VRK3: variants seen among roughly 807,000 people sequenced by gnomAD.
VRK3 encodes serine/threonine-protein kinase VRK3.
VRK3 carries 50 observed loss-of-function variants against 60.4 expected under a neutral mutation model. The ratio of observed to expected loss-of-function variants is 0.83; its 90% CI spans 0.66 to 1.05. The LOEUF (loss-of-function observed/expected upper bound fraction) is 1.05, where lower values mean the gene tolerates loss of function less well. VRK3 is among the 50% of genes least tolerant of loss of function. The pLI, the probability that VRK3 is intolerant of heterozygous loss-of-function variation, is 0.00. For missense variants in VRK3, 549 were observed against 585.3 expected (o/e 0.94, Z 0.64); for synonymous variants, 246 against 227.8 (o/e 1.08, Z -0.72).
At chr19:49,979,037 G>A in intron 14 of VRK3, 46 bp downstream of exon 14, 1 of 1,539,188 alleles carries the variant, frequency 6.5e-7, no homozygotes, top group East Asian at 2.3e-5. Flanking sequence ...CAGGGCTCGG[G>A]TGAGGGCAAG....
chr19:50,004,198 T>TG (rs1213763557), intron 5 of VRK3, among the ~76,000 whole-genome samples: 1 of 152,188 alleles, frequency 6.6e-6, no homozygotes, highest in Non-Finnish European at 1.5e-5. Context: ...TGTGGGTTTC[T>TG]GGGGGAGGTC....
chr19:50,009,355 T>C lies in VRK3; in HGVS notation c.170A>G (p.Glu57Gly). ...GSKRGLNSSF[E>G]TSPKKVKWSS... ...CCATTTCACTTTCTTAGGAGAGGTT[T>C]CAAAACTGGAGTTCAGCCCTCTCTT... The change falls in exon 4 of 15, where the codon GAA becomes GGA. Residue 57 changes from glutamate (E) to glycine (G), a missense_variant. Physicochemically the swap from Glu to Gly is moderately conservative, Grantham distance 98. Transcript: ENST00000316763. The C allele has an allele frequency of 2.5e-6, 4 of 1,613,938 alleles. No individual in the cohort carries two copies. The South Asian group carries it at 4.4e-5, about 18-fold the overall frequency.
At chr19:50,024,731 T>C (rs954073533) in intron 1 of VRK3, among the ~76,000 whole-genome samples, 2 of 152,248 alleles carry the variant, frequency 1.3e-5, no homozygotes, top group African/African-American at 2.4e-5. Flanking sequence ...AAGTCACCTA[T>C]GCAATGGCCA....
chr19:49,994,683 T>A (rs1330440311), intron 9 of VRK3, 131 bp downstream of exon 9: 2 of 807,550 alleles, frequency 2.5e-6, no homozygotes, highest in African/African-American at 3.5e-5. Flanking sequence ...GCCATGGCAG[T>A]CAGTGAGCCA....
chr19:50,016,228 T>A (rs1479256850), intron 2 of VRK3, 65 bp from the exon 3 acceptor site: 1 of 1,596,816 alleles, frequency 6.3e-7, no homozygotes, highest in East Asian at 2.2e-5. Context: ...GAAGTATTGT[T>A]GAACTGCTCT....
intron 12 of VRK3, chr19:49,982,025 G>A (rs2123010373): frequency 1.5e-6 from 1 of 661,748 alleles, no homozygotes; most frequent in Admixed American, 2.1e-5. Context: ...CTGACTCAAA[G>A]GGAGGGAGGT....
At chr19:49,981,793 GACACACACACAC>G in intron 12 of VRK3, 1 of 1,026,322 alleles carries the variant, frequency 9.7e-7, no homozygotes, top group Non-Finnish European at 1.2e-6. Flanking sequence ...CACACACACA[GACACACACACAC>G]ACACACACGC....
intron 14 of VRK3, among the ~76,000 whole-genome samples, chr19:49,977,220 T>C (rs1002006597): frequency 2.0e-5 from 3 of 151,156 alleles, no homozygotes; most frequent in Non-Finnish European, 4.4e-5. Flanking sequence ...GGCGGGGGTG[T>C]GGCTGGTGCA....
chr19:50,023,852 A>C (rs1485943996), intron 1 of VRK3, among the ~76,000 whole-genome samples: 1 of 152,220 alleles, frequency 6.6e-6, no homozygotes, highest in African/African-American at 2.4e-5. Context: ...GTCCCTAAAA[A>C]AGACGTGCCA....
chr19:49,999,281 C>G (rs1293547541), intron 6 of VRK3: 2 of 152,322 alleles, frequency 1.3e-5, no homozygotes, highest in East Asian at 3.8e-4. Context: ...TCTCTTTTTG[C>G]GTCCTGGAGT....
intron 9 of VRK3, among the ~76,000 whole-genome samples, 197 bp downstream of exon 9, chr19:49,994,617 G>GC (rs1420952446): frequency 2.0e-5 from 3 of 152,154 alleles, no homozygotes; most frequent in Non-Finnish European, 4.4e-5. Flanking sequence ...AATGCTCATG[G>GC]CCCCCCAAGG....
At chr19:49,994,717 G>T in intron 9 of VRK3, 97 bp downstream of exon 9, 1 of 1,062,768 alleles carries the variant, frequency 9.4e-7, no homozygotes, top group Non-Finnish European at 1.4e-6. Context: ...AGCGGAGGGG[G>T]GTGGGGGCCG....
rs1031005924 is a variant in VRK3, at chr19:50,025,332, T to C, written c.-130A>G. Reference sequence around the variant, plus strand: ...AGCCTGACCCTCGGATCCTCCGCAGTTACCCGGACTCACCTTCTCAGTTGC... The same window carrying C: ...AGCCTGACCCTCGGATCCTCCGCAGCTACCCGGACTCACCTTCTCAGTTGC... On this transcript the variant is annotated 5_prime_UTR_variant, in exon 1 of 15. Coordinates refer to ENST00000316763, the MANE Select transcript of VRK3 (RefSeq NM_016440.4). The C allele has an allele frequency of 1.3e-5, 2 of 152,304 alleles. No homozygotes were observed. The highest frequency in any genetic ancestry group is 4.8e-5 in the African/African-American group (2 of 41,470). 9.4% of individuals were successfully genotyped at this position (152,304 alleles called of 1,614,324 possible). A position where few individuals can be genotyped will look rare whatever the true frequency, so the allele number is the denominator to read the frequency against.
chr19:49,980,853 T>TA, intron 13 of VRK3, 102 bp downstream of exon 13: 22 of 1,050,780 alleles, frequency 2.1e-5, no homozygotes, highest in South Asian at 3.2e-5. Flanking sequence ...TTTGGAAAAC[T>TA]AAAAAAAATG....
At chr19:50,014,712 C>A (rs1330340582) in intron 3 of VRK3, among the ~76,000 whole-genome samples, 11 of 152,242 alleles carry the variant, frequency 7.2e-5, no homozygotes, top group Non-Finnish European at 7.4e-5. Context: ...TGTGGAGGGG[C>A]AGCCAGGAGG....
At chr19:50,010,039 A>G (rs1395658126) in intron 3 of VRK3, among the ~76,000 whole-genome samples, 1 of 148,142 alleles carries the variant, frequency 6.8e-6, no homozygotes, top group Non-Finnish European at 1.5e-5. Context: ...TCTGATTACA[A>G]TAATTATTTT....
chr19:49,988,088 G>A (rs919175208), intron 12 of VRK3: 12 of 271,990 alleles, frequency 4.4e-5, no homozygotes, highest in Non-Finnish European at 8.8e-5. Context: ...CCATAAGGTA[G>A]TAGCTAGTAG....
chr19:49,997,517 G>C lies in VRK3; in HGVS notation c.666C>G (p.Ala222=), dbSNP rs757539470. Residue 222 remains alanine, a synonymous_variant, in exon 7 of 15, where the codon GCC becomes GCG. Coordinates refer to ENST00000316763, the MANE Select transcript of VRK3 (RefSeq NM_016440.4). The part of the protein sequence containing the change: ...FNEQNFFQRA[A]KPLQVNKWKK... ...CCTGTCAGGTACCTTGCAGAGGCTTGGCGGCCCGCTGGAAGAAGTTCTGCT... is the reference window on the plus strand; with the variant it reads ...CCTGTCAGGTACCTTGCAGAGGCTTCGCGGCCCGCTGGAAGAAGTTCTGCT... 1.2e-6 allele frequency: 2 copies of C among 1,613,454 alleles called. No homozygotes were observed. Among genetic ancestry groups the C allele is most frequent in the Non-Finnish European group, 1.7e-6 (2 of 1,179,834 alleles).
At chr19:50,007,488 C>A in intron 5 of VRK3, 81 bp downstream of exon 5, 1 of 1,579,450 alleles carries the variant, frequency 6.3e-7, no homozygotes. Flanking sequence ...GGCTTCCATT[C>A]CCATTCTCAG....
Sources: gnomAD v4.1 joint callset for allele counts (sites outside exome capture counted in the v4.1 genomes callset) on GRCh38, gnomAD v4.1.1 for gene constraint, MANE v1.5 for transcripts, NCBI Gene and HGNC (gene_info 2026-07-23, HGNC 2026-07-21) for gene names.